GALNT13: variants seen among roughly 807,000 people sequenced by gnomAD.
GALNT13 encodes UDP-GalNAc:polypeptide N-acetylgalactosaminyltransferase 13.
GALNT13 carries 28 observed loss-of-function variants against 64.2 expected under a neutral mutation model. The observed-to-expected ratio is 0.44, with a 90% CI of 0.32 to 0.60. The LOEUF (loss-of-function observed/expected upper bound fraction) is 0.60, where lower values mean the gene tolerates loss of function less well. Among genes scored for constraint, GALNT13 ranks in the 20% least tolerant of loss-of-function variants. The probability of loss-of-function intolerance (pLI) is 0.05; values close to 1 mark genes in which losing one functional copy is unlikely to be tolerated. For missense variants in GALNT13, 577 were observed against 669.8 expected (o/e 0.86, Z 1.53); for synonymous variants, 214 against 224.6 (o/e 0.95, Z 0.42).
At chr2:153,582,826 A>G in the GALNT13 span, among the ~76,000 whole-genome samples, 1 of 152,190 alleles carries the variant, frequency 6.6e-6, no homozygotes, top group Non-Finnish European at 1.5e-5. Flanking sequence ...GGATGCCTCT[A>G]GCTTTTTAAA....
chr2:153,723,873 T>C, the GALNT13 span, among the ~76,000 whole-genome samples: 10 of 150,898 alleles, frequency 6.6e-5, no homozygotes, highest in East Asian at 1.8e-3. Context: ...AAAATGGCCA[T>C]ACTGCCCAAG....
At chr2:153,850,498 T>C in the GALNT13 span, among the ~76,000 whole-genome samples, 1 of 152,060 alleles carries the variant, frequency 6.6e-6, no homozygotes, top group South Asian at 2.1e-4. Context: ...ACTCAAAAGG[T>C]AGAATTAACA....
intron 3 of GALNT13, among the ~76,000 whole-genome samples, chr2:153,961,721 A>C (rs762179992): frequency 5.9e-5 from 9 of 152,236 alleles, no homozygotes; most frequent in Non-Finnish European, 7.3e-5. Flanking sequence ...CTTGAAGATC[A>C]AATTTTCAAT....
At chr2:153,809,704 G>T in the GALNT13 span, among the ~76,000 whole-genome samples, 5,664 of 152,192 alleles carry the variant, frequency 0.037, 156 homozygotes, top group East Asian at 0.13. Flanking sequence ...AAAGATAAAG[G>T]AGGAAATAAC....
At chr2:153,894,321 A>T (rs932820256) in intron 1 of GALNT13, among the ~76,000 whole-genome samples, 1 of 152,112 alleles carries the variant, frequency 6.6e-6, no homozygotes, top group Non-Finnish European at 1.5e-5. Context: ...GTATTCAGTT[A>T]GGAAATGCAA....
the GALNT13 span, among the ~76,000 whole-genome samples, chr2:153,727,891 C>T: frequency 6.6e-6 from 1 of 152,160 alleles, no homozygotes; most frequent in African/African-American, 2.4e-5. Flanking sequence ...GCTCTCCCTC[C>T]ACTTTCCCCT....
chr2:154,105,414 A>G (rs186030688), intron 3 of GALNT13, among the ~76,000 whole-genome samples: 2 of 152,302 alleles, frequency 1.3e-5, no homozygotes, highest in African/African-American at 4.8e-5. Flanking sequence ...AGATATGTTT[A>G]TATACATAAA....
At chr2:154,025,578 C>T (rs754617375) in intron 3 of GALNT13, among the ~76,000 whole-genome samples, 11 of 152,068 alleles carry the variant, frequency 7.2e-5, no homozygotes, top group South Asian at 2.1e-4. Flanking sequence ...CTTAATTAAC[C>T]GTTGTTCTAT....
At chr2:153,666,476 C>T in the GALNT13 span, among the ~76,000 whole-genome samples, 1 of 152,106 alleles carries the variant, frequency 6.6e-6, no homozygotes, top group African/African-American at 2.4e-5. Context: ...GTGGTGTTGC[C>T]AGCAGACCAG....
chr2:153,402,440 C>G, the GALNT13 span, among the ~76,000 whole-genome samples: 1 of 151,176 alleles, frequency 6.6e-6, no homozygotes, highest in African/African-American at 2.4e-5. Flanking sequence ...ATCTTTGTGG[C>G]GTTCTCTGTA....
chr2:153,984,282 C>T (rs1424833495), intron 3 of GALNT13, among the ~76,000 whole-genome samples: 1 of 151,516 alleles, frequency 6.6e-6, no homozygotes, highest in Non-Finnish European at 1.5e-5. Context: ...AGATTATTGG[C>T]AATAGTTAAC....
chr2:153,745,726 T>C, the GALNT13 span, among the ~76,000 whole-genome samples: 55 of 152,132 alleles, frequency 3.6e-4, no homozygotes, highest in Admixed American at 2.9e-3. Flanking sequence ...TTTTGGTTTG[T>C]TGTTTGTTTT....
intron 3 of GALNT13, among the ~76,000 whole-genome samples, chr2:154,127,199 C>G (rs958361668): frequency 4.6e-5 from 7 of 152,026 alleles, no homozygotes; most frequent in African/African-American, 1.7e-4. Flanking sequence ...TAAAGAGCCA[C>G]TAAGCATAAA....
At chr2:153,569,744 A>G in the GALNT13 span, among the ~76,000 whole-genome samples, 243 of 152,208 alleles carry the variant, frequency 1.6e-3, no homozygotes, top group African/African-American at 5.6e-3. Flanking sequence ...ATTATTATTA[A>G]CTATAGTCAC....
chr2:154,130,539 G>A (rs1682549475), intron 3 of GALNT13, among the ~76,000 whole-genome samples: 1 of 152,092 alleles, frequency 6.6e-6, no homozygotes, highest in Non-Finnish European at 1.5e-5. Flanking sequence ...TGCAAATTTT[G>A]TGAAAGATAT....
chr2:153,867,968 G>T (rs1042112504), upstream of GALNT13, among the ~76,000 whole-genome samples: 1 of 152,128 alleles, frequency 6.6e-6, no homozygotes, highest in Non-Finnish European at 1.5e-5. Flanking sequence ...TTCCTAACAG[G>T]CCATGGACTG....
At chr2:154,333,440 T>A (rs1356505878) in intron 9 of GALNT13, among the ~76,000 whole-genome samples, 2 of 152,086 alleles carry the variant, frequency 1.3e-5, no homozygotes, top group Non-Finnish European at 2.9e-5. Context: ...TATAACTCTT[T>A]TATCTAGAAA....
the GALNT13 span, among the ~76,000 whole-genome samples, chr2:153,699,750 G>T: frequency 6.6e-6 from 1 of 151,930 alleles, no homozygotes; most frequent in East Asian, 1.9e-4. Context: ...AGAAGAAATG[G>T]TAAATTCCTG....
the GALNT13 span, among the ~76,000 whole-genome samples, chr2:153,632,669 G>A: frequency 1.3e-5 from 2 of 152,072 alleles, no homozygotes; most frequent in Admixed American, 6.6e-5. Flanking sequence ...TTTGAGAATG[G>A]TTTCCTTTAT....
Sources: gnomAD v4.1 joint callset for allele counts (sites outside exome capture counted in the v4.1 genomes callset) on GRCh38, gnomAD v4.1.1 for gene constraint, MANE v1.5 for transcripts, NCBI Gene and HGNC (gene_info 2026-07-23, HGNC 2026-07-21) for gene names.